Variants in ATXN7L2 observed in about 807,000 individuals in gnomAD.
The protein encoded by ATXN7L2 is ataxin-7-like protein 2.
Under a neutral mutation model 59.6 loss-of-function variants are expected in ATXN7L2, and 17 were observed. The ratio of observed to expected loss-of-function variants is 0.29; its 90% confidence interval spans 0.20 to 0.43. The LOEUF (loss-of-function observed/expected upper bound fraction) is 0.43, where lower values mean the gene tolerates loss of function less well. Among genes scored for constraint, ATXN7L2 ranks in the 20% least tolerant of loss-of-function variants. The pLI is 1.00. For synonymous variants in ATXN7L2, 378 were observed against 392.5 expected, an observed-to-expected ratio of 0.96 and a Z score of 0.44; for missense variants, 858 against 1,008.9, an observed-to-expected ratio of 0.85 and a Z score of 2.03.
At position 109,484,026 on chromosome 1, in the gene ATXN7L2, G is replaced by A; in HGVS notation, c.73G>A (p.Ala25Thr). The stretch of plus-strand genomic sequence containing the variant: ...GCGGGTGCCGAGTCTCGATGACTTC[G>A]CGGGACAGAGCTGGAGCTCGTGGGT... ...ERRVPSLDDF[A>T]GQSWSSWVER... The change falls in exon 1 of 11, where the codon GCG (alanine) becomes ACG (threonine). Residue 25 changes from alanine (A) to threonine (T), a missense_variant. Transcript: ENST00000683729. The A allele has an allele frequency of 6.8e-7, 1 of 1,465,650 alleles. No homozygotes were observed. The highest frequency in any genetic ancestry group is 9.1e-7 in the Non-Finnish European group (1 of 1,102,088). 90.8% of individuals were successfully genotyped at this position (1,465,650 alleles called of 1,614,324 possible).
In ATXN7L2 at chr1:109,484,082, T is replaced by C; in HGVS notation, c.127+2T>C. The C allele has an allele frequency of 6.6e-7, 1 of 1,510,988 alleles. No individual in the cohort carries two copies. Among genetic ancestry groups the C allele is most frequent in the Non-Finnish European group, 8.9e-7 (1 of 1,126,136 alleles). 93.6% of individuals were successfully genotyped at this position (1,510,988 alleles called of 1,614,324 possible). On this transcript the variant is annotated splice_donor_variant, in intron 1 of 10. Coordinates refer to ENST00000683729, the MANE Select transcript of ATXN7L2 (RefSeq NM_001350175.2). LOFTEE classifies it high-confidence loss of function. Reference sequence around the variant, plus strand: ...GGGCCGACCTGCCCGCGGCTGACGGTGAGTAAAGCCACCCTAAAGTCCGGG... The same window carrying C: ...GGGCCGACCTGCCCGCGGCTGACGGCGAGTAAAGCCACCCTAAAGTCCGGG...
At position 109,483,983 on chromosome 1, in the gene ATXN7L2, A is replaced by C. The variant is rs1369518811; in HGVS notation, c.30A>C (p.Ala10=). 1 of 1,395,970 alleles carries C rather than the reference A, an allele frequency of 7.2e-7. No homozygotes were observed. Among genetic ancestry groups the C allele is most frequent in the East Asian group, 2.8e-5 (1 of 35,734 alleles). The allele number at this position is 1,395,970 out of a possible 1,614,324, so 86.5% of individuals were successfully genotyped here. A position where few individuals can be genotyped will look rare whatever the true frequency, so the allele number is the denominator to read the frequency against. The change falls in exon 1 of 11, where the codon GCA becomes GCC. Residue 10 remains alanine, a synonymous_variant. Coordinates refer to ENST00000683729, the MANE Select transcript of ATXN7L2 (RefSeq NM_001350175.2). MAVRERAAA[A]MAALERRVPS... ...CGGTGCGTGAACGCGCGGCGGCAGCAATGGCCGCTCTGGAGCGGCGGGTGC... is the reference window on the plus strand; with the variant it reads ...CGGTGCGTGAACGCGCGGCGGCAGCCATGGCCGCTCTGGAGCGGCGGGTGC...
intron 5 of ATXN7L2, 34 bp downstream of exon 5, chr1:109,487,838 A>G (rs1047659640): frequency 6.4e-7 from 1 of 1,559,394 alleles, no homozygotes; most frequent in Admixed American, 2.0e-5. Context: ...TCCAGAATGT[A>G]GAGTGGGGAC....
chr1:109,488,767 C>T lies in ATXN7L2; in HGVS notation c.880-80C>T. On this transcript the variant is annotated intron_variant, in intron 6 of 10. Transcript: ENST00000683729. The surrounding 1 kb of genome is among the most constrained non-coding windows in gnomAD (Gnocchi z 5.0). Reference sequence around the variant, plus strand: ...CCTCTCTCCCTGCCCCCCAACTTGCCCGGGCCAAAGCACCCTGCCGTCCCT... The same window carrying T: ...CCTCTCTCCCTGCCCCCCAACTTGCTCGGGCCAAAGCACCCTGCCGTCCCT... 6.6e-7 allele frequency: 1 copy of T among 1,507,442 alleles called. No homozygotes were observed. The highest frequency in any genetic ancestry group is 1.8e-4 in the Middle Eastern group (1 of 5,654). The allele number at this position is 1,507,442 out of a possible 1,614,324, so 93.4% of individuals were successfully genotyped here.
intron 1 of ATXN7L2, among the ~76,000 whole-genome samples, chr1:109,484,813 C>T (rs557682625): frequency 6.6e-6 from 1 of 152,312 alleles, no homozygotes; most frequent in African/African-American, 2.4e-5. Flanking sequence ...AGGCATCACG[C>T]CCCTGAAGAA....
Position 109,486,946 on chromosome 1 carries a change from G to T in ATXN7L2, c.299-61G>T, listed in dbSNP as rs1397274711. 9 of 1,414,694 alleles carry T rather than the reference G, an allele frequency of 6.4e-6. No individual in the cohort carries two copies. The highest frequency in any genetic ancestry group is 7.6e-6 in the Non-Finnish European group (8 of 1,047,994). 87.6% of individuals were successfully genotyped at this position (1,414,694 alleles called of 1,614,324 possible). A position where few individuals can be genotyped will look rare whatever the true frequency, so the allele number is the denominator to read the frequency against. The stretch of plus-strand genomic sequence containing the variant: ...CATGTGAGTCTATGGACATGGTTAG[G>T]TTGGGGAAGGAAGTGGTGATACCAC... On this transcript the variant is annotated intron_variant, in intron 3 of 10. Coordinates refer to ENST00000683729, the MANE Select transcript of ATXN7L2 (RefSeq NM_001350175.2). The surrounding 1 kb of genome is among the most constrained non-coding windows in gnomAD (Gnocchi z 4.3).
In ATXN7L2 at chr1:109,487,546, A is replaced by G. The variant is rs1369559732; in HGVS notation, c.538A>G (p.Lys180Glu). The change falls in exon 5 of 11, where the codon AAG becomes GAG. Residue 180 changes from lysine to glutamate, a missense_variant. Lys to Glu is a moderately conservative substitution (Grantham distance 56, BLOSUM62 1). Around this residue, in one of 3 missense-constraint regions of ATXN7L2, gnomAD observed 734 missense variants for 862.3 expected, o/e 0.85. Coordinates refer to ENST00000683729, the MANE Select transcript of ATXN7L2 (RefSeq NM_001350175.2). ...TTTCGTGCCTGTGGTGAATCTGGAG[A>G]AGATGTCCAGTCTCCCGAAGCCTGA... ...CLFVPVVNLE[K>E]MSSLPKPDGH... 8 of 1,506,122 alleles carry G rather than the reference A, an allele frequency of 5.3e-6. No individual in the cohort carries two copies. The highest frequency in any genetic ancestry group is 4.1e-5 in the South Asian group (3 of 73,310). 93.3% of individuals were successfully genotyped at this position (1,506,122 alleles called of 1,614,324 possible). A position where few individuals can be genotyped will look rare whatever the true frequency, so the allele number is the denominator to read the frequency against.
chr1:109,488,859 C>T lies in ATXN7L2; in HGVS notation c.892C>T (p.His298Tyr). The T allele has an allele frequency of 3.1e-6, 5 of 1,613,906 alleles. No individual in the cohort carries two copies. Among genetic ancestry groups the T allele is most frequent in the Non-Finnish European group, 4.2e-6 (5 of 1,179,976 alleles). The change falls in exon 7 of 11, where the codon CAC becomes TAC. Residue 298 changes from histidine to tyrosine, a missense_variant. By Grantham distance (83) the His-to-Tyr change is moderately conservative (BLOSUM62 2). Around this residue, in one of 3 missense-constraint regions of ATXN7L2, gnomAD observed 734 missense variants for 862.3 expected, o/e 0.85. Coordinates refer to ENST00000683729, the MANE Select transcript of ATXN7L2 (RefSeq NM_001350175.2). This position sits in a 1 kb window ranked among gnomAD's most constrained non-coding sequence, Gnocchi z 5.0. ...RLLTCKIHSV[H>Y]QRREVQGRAK... is the part of the protein sequence containing the mutation. ...TGCTGTATTCTAGATCCACTCAGTA[C>T]ACCAGCGCCGGGAAGTCCAGGGCCG...
intron 9 of ATXN7L2, 74 bp downstream of exon 9, chr1:109,490,466 A>C (rs1201833916): frequency 2.3e-5 from 36 of 1,564,772 alleles, no homozygotes; most frequent in Non-Finnish European, 2.8e-5. Flanking sequence ...GGGCTTCAGA[A>C]GCCCTGATCT....
At chr1:109,492,093 C>T (rs866857039) in intron 10 of ATXN7L2, 1 of 1,070,126 alleles carries the variant, frequency 9.3e-7, no homozygotes, top group Non-Finnish European at 1.1e-6. Context: ...GCCTAACATG[C>T]CGAGCAGCAA....
downstream of ATXN7L2, chr1:109,492,752 G>C: frequency 1.2e-6 from 1 of 852,656 alleles, no homozygotes. Flanking sequence ...TCCCTGTTCT[G>C]TTGCTGCTAT....
At position 109,490,886 on chromosome 1, in the gene ATXN7L2, C is replaced by A; in HGVS notation, c.1455-36C>A. ...TGTGTTGGGGGAAGCTGTCTTGTTT[C>A]TTGGCAGTCACAGTGGGGCTTTCTT... On this transcript the variant is annotated intron_variant, in intron 9 of 10. Coordinates refer to ENST00000683729, the MANE Select transcript of ATXN7L2 (RefSeq NM_001350175.2). 1.3e-6 allele frequency: 2 copies of A among 1,526,940 alleles called. 1 individual carries two copies. The highest frequency in any genetic ancestry group is 2.6e-5 in the South Asian group (2 of 78,118). 94.6% of individuals were successfully genotyped at this position (1,526,940 alleles called of 1,614,324 possible).
In ATXN7L2 at chr1:109,486,172, G is replaced by T. The variant is rs780853049; in HGVS notation, c.193+50G>T. ...TGGGACCCAGGGCAGACAGGACCACGCTCCACTTTTCCACCACACTACAGA... is the reference window on the plus strand; with the variant it reads ...TGGGACCCAGGGCAGACAGGACCACTCTCCACTTTTCCACCACACTACAGA... On this transcript the variant is annotated intron_variant, in intron 2 of 10. Coordinates refer to ENST00000683729, the MANE Select transcript of ATXN7L2 (RefSeq NM_001350175.2). The surrounding 1 kb of genome is among the most constrained non-coding windows in gnomAD (Gnocchi z 4.3). 4.6e-6 allele frequency: 7 copies of T among 1,513,242 alleles called. No homozygotes were observed. Among genetic ancestry groups the T allele is most frequent in the Non-Finnish European group, 5.3e-6 (6 of 1,133,060 alleles). The allele number at this position is 1,513,242 out of a possible 1,614,324, so 93.7% of individuals were successfully genotyped here. A position where few individuals can be genotyped will look rare whatever the true frequency, so the allele number is the denominator to read the frequency against.
At position 109,491,085 on chromosome 1, in the gene ATXN7L2, A is replaced by G; in HGVS notation, c.1618A>G (p.Ser540Gly). 1 of 1,613,650 alleles carries G rather than the reference A, an allele frequency of 6.2e-7. No individual in the cohort carries two copies. The highest frequency in any genetic ancestry group is 8.5e-7 in the Non-Finnish European group (1 of 1,179,988). ...CCCCACCAAGGACAACCTTGTCCCC[A>G]GCTACCCTGCAGGCTCCCCCAGCGT... Reference protein sequence around the residue: ...MPPTKDNLVPSYPAGSPSVAA... With the variant: ...MPPTKDNLVPGYPAGSPSVAA... Residue 540 changes from serine (S) to glycine (G), a missense_variant, in exon 10 of 11, where the codon AGC becomes GGC. Physicochemically the swap from Ser to Gly is moderately conservative, Grantham distance 56 (BLOSUM62 0). Transcript: ENST00000683729. This position sits in a 1 kb window ranked among gnomAD's most constrained non-coding sequence, Gnocchi z 4.1.
chr1:109,487,525 G>A lies in ATXN7L2; in HGVS notation c.517G>A (p.Val173Met), dbSNP rs1023111193. 15 of 1,496,294 alleles carry A rather than the reference G, an allele frequency of 1.0e-5. No individual in the cohort carries two copies. The highest frequency in any genetic ancestry group is 4.2e-5 in the South Asian group (3 of 71,646). 92.7% of individuals were successfully genotyped at this position (1,496,294 alleles called of 1,614,324 possible). A position where few individuals can be genotyped will look rare whatever the true frequency, so the allele number is the denominator to read the frequency against. Residue 173 changes from valine (V) to methionine (M), a missense_variant, in exon 5 of 11, where the codon GTG becomes ATG. By Grantham distance (21) the Val-to-Met change is conservative. Transcript: ENST00000683729. ...KTQKDNLCLF[V>M]PVVNLEKMSS... ...CCCTCTCTCTGTGTGTAGCCTTTTCGTGCCTGTGGTGAATCTGGAGAAGAT... is the reference window on the plus strand; with the variant it reads ...CCCTCTCTCTGTGTGTAGCCTTTTCATGCCTGTGGTGAATCTGGAGAAGAT...
At chr1:109,485,651 A>G (rs1036251356) in intron 1 of ATXN7L2, 15 of 988,864 alleles carry the variant, frequency 1.5e-5, no homozygotes, top group African/African-American at 1.7e-5. Context: ...TTGGTTAAGG[A>G]CGGTTTCCCC....
At chr1:109,485,579 C>T (rs1656526272) in intron 1 of ATXN7L2, 2 of 985,476 alleles carry the variant, frequency 2.0e-6, no homozygotes. Context: ...TGGGATGCCA[C>T]ATAGTAGCAG....
At position 109,491,209 on chromosome 1, in the gene ATXN7L2, C is replaced by G; in HGVS notation, c.1742C>G (p.Pro581Arg). The G allele has an allele frequency of 6.2e-7, 1 of 1,614,154 alleles. No individual in the cohort carries two copies. Among genetic ancestry groups the G allele is most frequent in the Non-Finnish European group, 8.5e-7 (1 of 1,180,056 alleles). The change falls in exon 10 of 11, where the codon CCG becomes CGG. Residue 581 changes from proline to arginine, a missense_variant. By Grantham distance (103) the Pro-to-Arg change is moderately radical. Transcript: ENST00000683729. The surrounding 1 kb of genome is among the most constrained non-coding windows in gnomAD (Gnocchi z 4.1). Reference sequence around the variant, plus strand: ...CCATCCCCGTCCTTCAGCAAGCTGCCGCCTTCCAAGGCCAGCAAGTCATCC... The same window carrying G: ...CCATCCCCGTCCTTCAGCAAGCTGCGGCCTTCCAAGGCCAGCAAGTCATCC... Reference protein sequence around the residue: ...NTPSPSFSKLPPSKASKSSKG... With the variant: ...NTPSPSFSKLRPSKASKSSKG...
Position 109,488,859 on chromosome 1 carries a change from C to A in ATXN7L2, c.892C>A (p.His298Asn), listed in dbSNP as rs1203222230. Reference protein sequence around the residue: ...RLLTCKIHSVHQRREVQGRAK... With the variant: ...RLLTCKIHSVNQRREVQGRAK... ...TGCTGTATTCTAGATCCACTCAGTA[C>A]ACCAGCGCCGGGAAGTCCAGGGCCG... The change falls in exon 7 of 11, where the codon CAC becomes AAC. Residue 298 changes from histidine to asparagine, a missense_variant. His to Asn is a moderately conservative substitution (Grantham distance 68). Transcript: ENST00000683729. The surrounding 1 kb of genome is among the most constrained non-coding windows in gnomAD (Gnocchi z 5.0). 1 of 1,613,906 alleles carries A rather than the reference C, an allele frequency of 6.2e-7. No individual in the cohort carries two copies.
Sources: allele counts gnomAD v4.1 joint callset (sites outside exome capture counted in the v4.1 genomes callset), GRCh38; gene constraint gnomAD v4.1.1; regional missense constraint gnomAD v4.1.1; non-coding constraint Gnocchi (gnomAD v3.1); transcripts MANE v1.5; gene names NCBI Gene and HGNC (gene_info 2026-07-23, HGNC 2026-07-21).